The following RSF1 variants were observed in gnomAD, a reference collection of about 807,000 sequenced individuals.
The protein encoded by RSF1 is HBV pX-associated protein 8.
A neutral mutation model predicts 145.2 loss-of-function variants in RSF1; 13 were observed. The observed-to-expected ratio is 0.09, with a 90% confidence interval of 0.06 to 0.14. The LOEUF (loss-of-function observed/expected upper bound fraction) is 0.14, where lower values mean the gene tolerates loss of function less well. Among genes scored for constraint, RSF1 ranks in the 10% least tolerant of loss-of-function variants. The pLI, the probability that RSF1 is intolerant of heterozygous loss-of-function variation, is 1.00. For synonymous variants in RSF1, 577 were observed against 592.6 expected (o/e 0.97, Z 0.38); for missense variants, 1,517 against 1,718.2 (o/e 0.88, Z 2.07).
rs533595850 is a variant in RSF1 at position 77,780,601 on chromosome 11, G to A, written c.188-15912C>T. 7.2e-5 allele frequency among the ~76,000 whole-genome samples: 11 copies of A among 152,238 alleles called. No homozygotes were observed. In the South Asian group the frequency reaches 1.7e-3, roughly 23 times the overall value. On this transcript the variant is annotated intron_variant, in intron 1 of 15. Coordinates refer to ENST00000308488, the MANE Select transcript of RSF1 (RefSeq NM_016578.4). ...AGCACTTTGGGAAGCCAAGGTGGGC[G>A]AATCACTGGAGGTCAGGAGTTTGAG...
intron 2 of RSF1, among the ~76,000 whole-genome samples, chr11:77,752,938 C>T (rs1948079126): frequency 6.6e-6 from 1 of 152,190 alleles, no homozygotes; most frequent in African/African-American, 2.4e-5. Context: ...GTTGTCCTCA[C>T]TGCTACATTC....
chr11:77,699,029 C>T (rs1017520504), intron 6 of RSF1, among the ~76,000 whole-genome samples: 1 of 151,972 alleles, frequency 6.6e-6, no homozygotes, highest in Non-Finnish European at 1.5e-5. Flanking sequence ...TAGTTGTTTC[C>T]CATGTTTTTC....
intron 5 of RSF1, among the ~76,000 whole-genome samples, chr11:77,722,677 A>G (rs1193551606): frequency 1.3e-5 from 2 of 152,244 alleles, no homozygotes; most frequent in Non-Finnish European, 2.9e-5. Context: ...TAAAATAATA[A>G]TAGTAGTTAC....
At chr11:77,770,331 G>A (rs768326571) in intron 1 of RSF1, among the ~76,000 whole-genome samples, 7 of 152,200 alleles carry the variant, frequency 4.6e-5, no homozygotes, top group East Asian at 3.9e-4. Flanking sequence ...GTGTGGTGGC[G>A]TGCACCTGTA....
At chr11:77,845,375 A>G in the RSF1 span, among the ~76,000 whole-genome samples, 1 of 151,862 alleles carries the variant, frequency 6.6e-6, no homozygotes, top group Non-Finnish European at 1.5e-5. Context: ...GAGCCCCTGT[A>G]GTGACATTTT....
chr11:77,732,983 C>T (rs1243667239), intron 4 of RSF1, among the ~76,000 whole-genome samples: 3 of 152,232 alleles, frequency 2.0e-5, no homozygotes, highest in Non-Finnish European at 4.4e-5. Flanking sequence ...CTTTTTATTG[C>T]TTAGTAATAA....
In RSF1 at chr11:77,683,825, A is replaced by G; in HGVS notation, c.2956-6T>C. 6.3e-7 allele frequency: 1 copy of G among 1,592,794 alleles called. No individual in the cohort carries two copies. Among genetic ancestry groups the G allele is most frequent in the South Asian group, 1.1e-5 (1 of 90,564 alleles). ...TCTTCAGAAAAGTCTGGCTCCTTAA[A>G]AAATATGATAATAAGCATAGAGGTT... is the stretch of plus-strand genomic sequence containing the variant. On this transcript the variant is annotated splice_polypyrimidine_tract_variant and splice_region_variant and intron_variant, in intron 10 of 15. Transcript: ENST00000308488.
At chr11:77,704,971 G>C (rs1227614748) in intron 5 of RSF1, among the ~76,000 whole-genome samples, 3 of 151,970 alleles carry the variant, frequency 2.0e-5, no homozygotes, top group Non-Finnish European at 1.5e-5. Context: ...GGCGGGTCTC[G>C]AACTCCTGAC....
the RSF1 span, chr11:77,869,990 C>G: frequency 1.9e-6 from 1 of 532,600 alleles, no homozygotes; most frequent in South Asian, 2.5e-5. Context: ...GTTGGGCTCT[C>G]CAGTCTACCT....
chr11:77,663,733 G>T lies in RSF1; in HGVS notation c.*3184C>A, dbSNP rs532640764. 6.6e-6 allele frequency: 1 copy of T among 152,272 alleles called. No homozygotes were observed. Among genetic ancestry groups the T allele is most frequent in the African/African-American group, 2.4e-5 (1 of 41,558 alleles). The allele number at this position is 152,272 out of a possible 1,614,324, so 9.4% of individuals were successfully genotyped here. A position where few individuals can be genotyped will look rare whatever the true frequency, so the allele number is the denominator to read the frequency against. ...CAGCACTGATGTACAAAACCAAAAC[G>T]TTTTCAGTCTGCGTCCTTTTCACAC... On this transcript the variant is annotated 3_prime_UTR_variant, in exon 16 of 16. Transcript: ENST00000308488.
intron 1 of RSF1, among the ~76,000 whole-genome samples, chr11:77,775,184 G>A (rs970951840): frequency 5.3e-5 from 8 of 151,316 alleles, no homozygotes; most frequent in Non-Finnish European, 1.2e-4. Context: ...GGAGGCAGAG[G>A]TTGCAGTGAG....
intron 15 of RSF1, among the ~76,000 whole-genome samples, chr11:77,670,350 C>T (rs76000192): frequency 0.011 from 1,651 of 152,258 alleles, 24 homozygotes; most frequent in African/African-American, 0.037. Context: ...TAGATAAGTG[C>T]ATGACTCACA....
At chr11:77,832,951 ATGTGTGTGTGTGTGTGTGTGTGTGTG>A in the RSF1 span, among the ~76,000 whole-genome samples, 1 of 68,418 alleles carries the variant, frequency 1.5e-5, no homozygotes, top group Non-Finnish European at 2.6e-5. Context: ...GTATATATAT[ATGTGTGTGTGTGTGTGTGTGTGTGTG>A]TGTGTGTGTG....
At chr11:77,752,175 A>C (rs933135425) in intron 2 of RSF1, among the ~76,000 whole-genome samples, 15 of 152,362 alleles carry the variant, frequency 9.8e-5, no homozygotes, top group African/African-American at 3.4e-4. Flanking sequence ...TTTTCTAATA[A>C]AGAGCAGCCT....
chr11:77,710,339 G>A (rs1960649860), intron 5 of RSF1, among the ~76,000 whole-genome samples: 1 of 152,106 alleles, frequency 6.6e-6, no homozygotes, highest in Admixed American at 6.6e-5. Context: ...GGCATACGGT[G>A]TTATTAACTA....
At chr11:77,704,172 G>C (rs1259331118) in intron 5 of RSF1, among the ~76,000 whole-genome samples, 1 of 152,116 alleles carries the variant, frequency 6.6e-6, no homozygotes, top group African/African-American at 2.4e-5. Context: ...GTGTGTGCTT[G>C]TAGTTCCAGC....
intron 1 of RSF1, among the ~76,000 whole-genome samples, chr11:77,772,429 C>A (rs186004010): frequency 6.6e-6 from 1 of 152,290 alleles, no homozygotes; most frequent in African/African-American, 2.4e-5. Flanking sequence ...CCATCTTGGC[C>A]TCCCAAAGTG....
At chr11:77,746,474 T>C (rs1191900248) in intron 3 of RSF1, among the ~76,000 whole-genome samples, 4 of 152,218 alleles carry the variant, frequency 2.6e-5, no homozygotes, top group Admixed American at 2.0e-4. Context: ...ATTTTAGAAG[T>C]AGCAAAAACT....
chr11:77,842,424 A>G, the RSF1 span: 4 of 1,526,846 alleles, frequency 2.6e-6, no homozygotes, highest in South Asian at 1.2e-5. Context: ...TGTATTTTCA[A>G]ACTGTTTCAG....
Sources: allele counts gnomAD v4.1 joint callset (sites outside exome capture counted in the v4.1 genomes callset), GRCh38; gene constraint gnomAD v4.1.1; transcripts MANE v1.5; gene names NCBI Gene and HGNC (gene_info 2026-07-23, HGNC 2026-07-21).